Variants in RPAP1 observed in about 807,000 individuals in gnomAD.
RPAP1 encodes RNA polymerase II associated protein 1.
Under a neutral mutation model 142.4 loss-of-function variants are expected in RPAP1, and 109 were observed. The ratio of observed to expected loss-of-function variants is 0.77; its 90% CI spans 0.66 to 0.90. RPAP1 has a LOEUF of 0.90. Among genes scored for constraint, RPAP1 ranks in the 40% least tolerant of loss-of-function variants. The probability of loss-of-function intolerance (pLI) is 0.00; values close to 1 mark genes in which losing one functional copy is unlikely to be tolerated. For synonymous variants in RPAP1, 704 were observed against 738.9 expected, an observed-to-expected ratio of 0.95 and a Z score of 0.77; for missense variants, 1,546 against 1,751.7, an observed-to-expected ratio of 0.88 and a Z score of 2.10.
chr15:41,532,713 CAA>C (rs59528050), intron 6 of RPAP1, among the ~76,000 whole-genome samples: 1 of 149,000 alleles, frequency 6.7e-6, no homozygotes, highest in Non-Finnish European at 1.5e-5. Flanking sequence ...GTGACCATCT[CAA>C]AAAAAAAATC....
intron 19 of RPAP1, 76 bp downstream of exon 19, chr15:41,522,689 C>T: frequency 1.2e-6 from 1 of 867,372 alleles, no homozygotes; most frequent in Non-Finnish European, 1.7e-6. Flanking sequence ...CGCGCCCATC[C>T]CACCCTCCCA....
chr15:41,536,388 TA>T, intron 3 of RPAP1, 112 bp downstream of exon 3: 1 of 1,450,576 alleles, frequency 6.9e-7, no homozygotes. Flanking sequence ...ACCTCAGGGG[TA>T]AAAGTCTACC....
At chr15:41,540,291 G>T (rs1329432844) in intron 1 of RPAP1, among the ~76,000 whole-genome samples, 5 of 143,404 alleles carry the variant, frequency 3.5e-5, no homozygotes, top group African/African-American at 1.3e-4. Context: ...AGCCTAGGAG[G>T]TAGGTTACTA....
intron 14 of RPAP1, chr15:41,525,349 ATTATT>A (rs1300224813): frequency 4.4e-5 from 11 of 248,658 alleles, no homozygotes; most frequent in Non-Finnish European, 7.4e-6. Flanking sequence ...ATTATTTATT[ATTATT>A]TTGAGATGGA....
chr15:41,532,262 C>T (rs2051859340), intron 6 of RPAP1, among the ~76,000 whole-genome samples: 2 of 152,142 alleles, frequency 1.3e-5, no homozygotes, highest in African/African-American at 2.4e-5. Context: ...TCTTGTGATC[C>T]GCCCACCTCA....
intron 8 of RPAP1, 135 bp from the exon 9 acceptor site, chr15:41,529,703 C>T (rs1478567907): frequency 1.2e-6 from 1 of 854,234 alleles, no homozygotes; most frequent in African/African-American, 1.7e-5. Context: ...CTTATCTGGC[C>T]TTGGGGGCCA....
Position 41,529,512 on chromosome 15 carries a change from C to T in RPAP1, c.1116G>A (p.Leu372=), listed in dbSNP as rs372899186. The T allele has an allele frequency of 1.1e-5, 17 of 1,613,538 alleles. No individual in the cohort carries two copies. The African/African-American group carries it at 1.7e-4, about 16-fold the overall frequency. ...GGTGGTGCAGACCCAGGTGGGTGGG[C>T]AGGTCCACGTCAGGGGCCAGTAGTT... ...QGELLAPDVD[L]PTHLGLHHHG... The change falls in exon 9 of 25, where the codon CTG becomes CTA. Residue 372 remains leucine (L), a synonymous_variant. Transcript: ENST00000304330.
Position 41,520,393 on chromosome 15 carries a change from G to T in RPAP1, c.3793C>A (p.Gln1265Lys), listed in dbSNP as rs747865479. Residue 1265 changes from glutamine to lysine, a missense_variant and splice_region_variant, in exon 22 of 25, where the codon CAG (glutamine) becomes AAG (lysine). By Grantham distance (53) the Gln-to-Lys change is moderately conservative (BLOSUM62 1). Around this residue, in one of 3 missense-constraint regions of RPAP1, gnomAD observed 210 missense variants for 248.0 expected, o/e 0.85. Coordinates refer to ENST00000304330, the MANE Select transcript of RPAP1 (RefSeq NM_015540.4). The stretch of plus-strand genomic sequence containing the variant: ...GTCCTGCTGGGCTGAGAAAGTACCT[G>T]GGTCAGAGGCAGGCTCAGAGCTCGC... ...ALRALSLPLTQLPVSLECYTV... is the reference protein window; with the variant it reads ...ALRALSLPLTKLPVSLECYTV... 6.2e-7 allele frequency: 1 copy of T among 1,613,362 alleles called. No individual in the cohort carries two copies. Among genetic ancestry groups the T allele is most frequent in the Non-Finnish European group, 8.5e-7 (1 of 1,179,724 alleles).
chr15:41,523,029 G>C (rs1001340927), intron 18 of RPAP1, 69 bp from the exon 19 acceptor site: 8 of 1,350,746 alleles, frequency 5.9e-6, no homozygotes, highest in Non-Finnish European at 7.9e-6. Flanking sequence ...AGAGCTTCTG[G>C]GTCTGTACCT....
At chr15:41,536,436 C>T in intron 3 of RPAP1, 65 bp downstream of exon 3, 2 of 1,588,018 alleles carry the variant, frequency 1.3e-6, no homozygotes, top group Non-Finnish European at 1.7e-6. Context: ...CCTCACCCAC[C>T]CCGAGCATCC....
rs2051900431 is a variant in RPAP1, at chr15:41,535,767, C to T, written c.421-135G>A. On this transcript the variant is annotated intron_variant, in intron 4 of 24. Coordinates refer to ENST00000304330, the MANE Select transcript of RPAP1 (RefSeq NM_015540.4). ...ATTTCCAGGGATCACAACCCTAGTT[C>T]TCAGAAAAAGGAGAGGTCTATAAGA... The T allele has an allele frequency of 4.6e-6, 6 of 1,300,120 alleles. No individual in the cohort carries two copies. The African/African-American group carries it at 6.0e-5, about 13-fold the overall frequency. The allele number at this position is 1,300,120 out of a possible 1,614,324, so 80.5% of individuals were successfully genotyped here.
chr15:41,527,803 C>G, intron 11 of RPAP1, 57 bp downstream of exon 11: 1 of 1,598,394 alleles, frequency 6.3e-7, no homozygotes, highest in Non-Finnish European at 8.5e-7. Flanking sequence ...TGCCCAGGAA[C>G]AGGAATATGG....
chr15:41,521,087 G>T lies in RPAP1; in HGVS notation c.3099C>A (p.Ser1033Arg). Reference sequence around the variant, plus strand: ...CTTGCCCACACCGAGGGACCCTGCTGCTTCCTAACGACAGCTGGTCAGAGA... The same window carrying T: ...CTTGCCCACACCGAGGGACCCTGCTTCTTCCTAACGACAGCTGGTCAGAGA... The part of the protein sequence containing the change: ...ADFSDQLSLG[S>R]SRVPRCGQGT... The change falls in exon 22 of 25, where the codon AGC becomes AGA. Residue 1033 changes from serine (S) to arginine (R), a missense_variant. This residue lies in a region of RPAP1 where 1,333 missense variants were observed against 1,486.6 expected (regional missense o/e 0.90). Coordinates refer to ENST00000304330, the MANE Select transcript of RPAP1 (RefSeq NM_015540.4). 2 of 1,526,726 alleles carry T rather than the reference G, an allele frequency of 1.3e-6. No homozygotes were observed. The highest frequency in any genetic ancestry group is 1.3e-5 in the South Asian group (1 of 76,430). The allele number at this position is 1,526,726 out of a possible 1,614,324, so 94.6% of individuals were successfully genotyped here. A position where few individuals can be genotyped will look rare whatever the true frequency, so the allele number is the denominator to read the frequency against.
intron 6 of RPAP1, among the ~76,000 whole-genome samples, chr15:41,532,011 A>G (rs2051857016): frequency 6.9e-6 from 1 of 145,338 alleles, no homozygotes; most frequent in African/African-American, 2.5e-5. Flanking sequence ...ATGCACCACC[A>G]TATCTGGCTA....
intron 9 of RPAP1, among the ~76,000 whole-genome samples, chr15:41,529,051 T>G (rs2051822480): frequency 6.6e-6 from 1 of 152,170 alleles, no homozygotes; most frequent in Non-Finnish European, 1.5e-5. Flanking sequence ...ATCAAGATTT[T>G]GAGCCTAAGA....
chr15:41,527,587 A>G lies in RPAP1; in HGVS notation c.1447T>C (p.Phe483Leu). ...GTCAAAGCTCCATGGTACCAAGAGA[A>G]GGTGCTGTCGAGGAGCTCCTGCCAG... ...PGDEELLDST[F>L]SWYHGALTFP... Residue 483 changes from phenylalanine to leucine, a missense_variant, in exon 12 of 25, where the codon TTC (phenylalanine) becomes CTC (leucine). By Grantham distance (22) the Phe-to-Leu change is conservative. Transcript: ENST00000304330. 1.9e-6 allele frequency: 3 copies of G among 1,613,548 alleles called. No individual in the cohort carries two copies. Among genetic ancestry groups the G allele is most frequent in the Non-Finnish European group, 2.5e-6 (3 of 1,179,808 alleles).
At chr15:41,531,627 ATTT>A (rs150550154) in intron 6 of RPAP1, among the ~76,000 whole-genome samples, 23 of 21,936 alleles carry the variant, frequency 1.0e-3, no homozygotes, top group South Asian at 2.2e-3. Flanking sequence ...ATATATATAT[ATTT>A]TTTTTTTTTT....
rs186503595 is a variant in RPAP1 at position 41,537,972 on chromosome 15, G to A, written c.-76-771C>T. On this transcript the variant is annotated intron_variant, in intron 1 of 24. Transcript: ENST00000304330. Reference sequence around the variant, plus strand: ...GAAAACAATTGCATTGGCCGGATGCGGTGGCTCACGCCTGTAATCCCAGCA... The same window carrying A: ...GAAAACAATTGCATTGGCCGGATGCAGTGGCTCACGCCTGTAATCCCAGCA... 2.7e-4 allele frequency among the ~76,000 whole-genome samples: 41 copies of A among 151,670 alleles called. 1 individual carries two copies. The highest frequency in any genetic ancestry group is 2.5e-3 in the East Asian group (13 of 5,118).
intron 21 of RPAP1, 30 bp from the exon 22 acceptor site, chr15:41,521,177 G>A: frequency 6.6e-7 from 1 of 1,508,678 alleles, no homozygotes; most frequent in Non-Finnish European, 8.8e-7. Flanking sequence ...CCAAAAATGA[G>A]GGCTGGAACC....
Sources: allele counts gnomAD v4.1 joint callset (sites outside exome capture counted in the v4.1 genomes callset), GRCh38; gene constraint gnomAD v4.1.1; regional missense constraint gnomAD v4.1.1; transcripts MANE v1.5; gene names NCBI Gene and HGNC (gene_info 2026-07-23, HGNC 2026-07-21).